The following PIK3C2G variants were observed in gnomAD, a reference collection of about 807,000 sequenced individuals.
PIK3C2G encodes phosphatidylinositol 3-kinase C2 domain-containing subunit gamma.
In PIK3C2G, 168 loss-of-function variants were observed where a neutral mutation model predicts 181.1. The observed-to-expected ratio is 0.93, with a 90% CI of 0.82 to 1.05. The LOEUF (loss-of-function observed/expected upper bound fraction) is 1.05. PIK3C2G is among the 50% of genes least tolerant of loss of function. The pLI is 0.00. For synonymous variants in PIK3C2G, 573 were observed against 592.2 expected (o/e 0.97, Z 0.47); for missense variants, 1,869 against 1,732.8 (o/e 1.08, Z -1.40).
At chr12:18,543,561 T>C (rs893453485) in intron 25 of PIK3C2G, among the ~76,000 whole-genome samples, 12 of 152,010 alleles carry the variant, frequency 7.9e-5, no homozygotes, top group Non-Finnish European at 1.8e-4. Flanking sequence ...TGAGTTGATT[T>C]TTATATATGG....
intron 24 of PIK3C2G, 29 bp from the exon 25 acceptor site, chr12:18,538,127 G>A (rs774760510): frequency 6.3e-6 from 10 of 1,588,576 alleles, no homozygotes; most frequent in South Asian, 2.3e-5. Context: ...CTCTTCCTTC[G>A]AATGATTGCT....
chr12:18,469,229 A>G (rs752818992), intron 18 of PIK3C2G, among the ~76,000 whole-genome samples: 1 of 152,004 alleles, frequency 6.6e-6, no homozygotes, highest in Non-Finnish European at 1.5e-5. Flanking sequence ...TATTGCTTCT[A>G]ATTTGGAGTT....
At chr12:18,421,712 T>C (rs1488389688) in intron 17 of PIK3C2G, among the ~76,000 whole-genome samples, 2 of 151,908 alleles carry the variant, frequency 1.3e-5, no homozygotes, top group Non-Finnish European at 2.9e-5. Context: ...GACAGCTAAA[T>C]AGATCTAAAC....
At chr12:18,464,898 C>G (rs960688748) in intron 18 of PIK3C2G, among the ~76,000 whole-genome samples, 3 of 151,878 alleles carry the variant, frequency 2.0e-5, no homozygotes, top group African/African-American at 7.2e-5. Flanking sequence ...TTATTTCTAT[C>G]ATTGTATTTT....
chr12:18,630,154 A>G (rs1007536887), intron 31 of PIK3C2G, among the ~76,000 whole-genome samples: 29 of 152,120 alleles, frequency 1.9e-4, no homozygotes, highest in African/African-American at 7.0e-4. Context: ...GCTCATACCT[A>G]TAATCCCAGG....
intron 26 of PIK3C2G, among the ~76,000 whole-genome samples, chr12:18,562,340 G>T (rs1945392012): frequency 1.3e-5 from 2 of 152,142 alleles, no homozygotes; most frequent in African/African-American, 4.8e-5. Context: ...CACCGTGTTA[G>T]CCAGGCTGGT....
At chr12:18,472,158 TAAAAAC>T (rs1419130757) in intron 18 of PIK3C2G, among the ~76,000 whole-genome samples, 1 of 152,142 alleles carries the variant, frequency 6.6e-6, no homozygotes, top group Admixed American at 6.5e-5. Flanking sequence ...TTCAAATGTA[TAAAAAC>T]AGGAAAAGAA....
chr12:18,699,000 T>C, the PIK3C2G span, among the ~76,000 whole-genome samples: 1 of 152,318 alleles, frequency 6.6e-6, no homozygotes, highest in South Asian at 2.1e-4. Context: ...TCATTCCCTT[T>C]TAAGTTTGGG....
chr12:18,411,251 T>C (rs1052912133), intron 16 of PIK3C2G, among the ~76,000 whole-genome samples: 9 of 152,156 alleles, frequency 5.9e-5, no homozygotes, highest in African/African-American at 1.4e-4. Flanking sequence ...GAAAAGTCCT[T>C]GCTAGGGGTG....
At chr12:18,412,113 T>C (rs1397918814) in intron 16 of PIK3C2G, among the ~76,000 whole-genome samples, 2 of 152,180 alleles carry the variant, frequency 1.3e-5, no homozygotes, top group Admixed American at 6.6e-5. Context: ...TGAGAGGGAC[T>C]GTAAATGTTT....
At chr12:18,265,177 T>C (rs1359188712) in intron 1 of PIK3C2G, among the ~76,000 whole-genome samples, 1 of 152,236 alleles carries the variant, frequency 6.6e-6, no homozygotes. Flanking sequence ...TTCTTTAATC[T>C]GTACTTCTGC....
downstream of PIK3C2G, among the ~76,000 whole-genome samples, chr12:18,653,225 A>G (rs1950596240): frequency 6.6e-6 from 1 of 152,170 alleles, no homozygotes; most frequent in South Asian, 2.1e-4. Context: ...TGATTCCCAG[A>G]GGAAATGGAT....
chr12:18,563,261 TG>T, intron 27 of PIK3C2G, 115 bp from the exon 28 acceptor site: 1 of 900,136 alleles, frequency 1.1e-6, no homozygotes, highest in Non-Finnish European at 1.7e-6. Flanking sequence ...CTAGCTTTTA[TG>T]ATAATGTTTT....
chr12:18,301,175 G>C (rs898896649), intron 5 of PIK3C2G, among the ~76,000 whole-genome samples: 1 of 152,032 alleles, frequency 6.6e-6, no homozygotes, highest in African/African-American at 2.4e-5. Context: ...TGGCTACAAT[G>C]TGCAATGGAA....
intron 19 of PIK3C2G, among the ~76,000 whole-genome samples, chr12:18,489,435 T>G (rs981348778): frequency 6.6e-6 from 1 of 152,206 alleles, no homozygotes; most frequent in African/African-American, 2.4e-5. Context: ...CAAAATGATA[T>G]AAAAATAGTA....
At chr12:18,544,971 C>T (rs898610883) in intron 25 of PIK3C2G, among the ~76,000 whole-genome samples, 2 of 151,822 alleles carry the variant, frequency 1.3e-5, no homozygotes, top group Non-Finnish European at 2.9e-5. Context: ...AGCCTCTAAA[C>T]GGGCCTCATT....
At chr12:18,700,688 A>C in the PIK3C2G span, among the ~76,000 whole-genome samples, 1 of 152,094 alleles carries the variant, frequency 6.6e-6, no homozygotes, top group Admixed American at 6.6e-5. Context: ...GTGAGACACT[A>C]TATCAAGTCA....
the PIK3C2G span, among the ~76,000 whole-genome samples, chr12:18,661,718 T>C: frequency 6.6e-6 from 1 of 152,094 alleles, no homozygotes; most frequent in East Asian, 1.9e-4. Context: ...AGGTCAGCCA[T>C]TGTGGAAAGC....
chr12:18,599,520 G>T (rs1243170359), intron 30 of PIK3C2G, among the ~76,000 whole-genome samples: 1 of 151,552 alleles, frequency 6.6e-6, no homozygotes, highest in Non-Finnish European at 1.5e-5. Flanking sequence ...AGGCGGGAGG[G>T]ATAGCACTGG....
Sources: gnomAD v4.1 joint callset for allele counts (sites outside exome capture counted in the v4.1 genomes callset) on GRCh38, gnomAD v4.1.1 for gene constraint, MANE v1.5 for transcripts, NCBI Gene and HGNC (gene_info 2026-07-23, HGNC 2026-07-21) for gene names.